TAFA5: variants seen among roughly 807,000 people sequenced by gnomAD.
TAFA5 encodes TAFA chemokine like family member 5, also known as chemokine-like protein TAFA-5.
In TAFA5, 6 loss-of-function variants were observed where a neutral mutation model predicts 15.3. The ratio of observed to expected loss-of-function variants is 0.39; its 90% CI spans 0.21 to 0.77. The LOEUF is 0.77. Among genes scored for constraint, TAFA5 ranks in the 30% least tolerant of loss-of-function variants. TAFA5 has a pLI of 0.41. For missense variants in TAFA5, 161 were observed against 193.1 expected (o/e 0.83, Z 0.98); for synonymous variants, 103 against 80.7 (o/e 1.28, Z -1.48).
At chr22:48,609,718 G>T (rs1391190291) in intron 1 of TAFA5, among the ~76,000 whole-genome samples, 1 of 152,228 alleles carries the variant, frequency 6.6e-6, no homozygotes, top group East Asian at 1.9e-4. Flanking sequence ...CTGGTGTGGA[G>T]CCGCCCGTGC....
chr22:48,602,768 T>C (rs1925022023), intron 1 of TAFA5, among the ~76,000 whole-genome samples: 1 of 152,098 alleles, frequency 6.6e-6, no homozygotes, highest in African/African-American at 2.4e-5. Flanking sequence ...AGTGAACACC[T>C]GGTGAAGGAA....
At chr22:48,593,104 G>T (rs1041086489) in intron 1 of TAFA5, among the ~76,000 whole-genome samples, 3 of 152,240 alleles carry the variant, frequency 2.0e-5, no homozygotes. Flanking sequence ...AGCAGACGCG[G>T]GATGGGAGGT....
At chr22:48,546,799 G>A (rs542948257) in intron 1 of TAFA5, 13 of 345,658 alleles carry the variant, frequency 3.8e-5, no homozygotes, top group South Asian at 1.1e-4. Context: ...GTTGATTCCC[G>A]AAGTCACCGG....
chr22:48,584,333 A>T (rs1454574723), intron 1 of TAFA5, among the ~76,000 whole-genome samples: 1 of 149,472 alleles, frequency 6.7e-6, no homozygotes, highest in Non-Finnish European at 1.5e-5. Context: ...CACCACACAG[A>T]TATCACACAC....
chr22:48,744,191 G>C (rs1387053434), intron 3 of TAFA5, among the ~76,000 whole-genome samples: 4 of 152,116 alleles, frequency 2.6e-5, no homozygotes, highest in Admixed American at 2.6e-4. Flanking sequence ...CTGGCTCCAT[G>C]ATGGCCCTTA....
At chr22:48,694,900 G>A (rs1928662947) in intron 2 of TAFA5, among the ~76,000 whole-genome samples, 2 of 141,668 alleles carry the variant, frequency 1.4e-5, no homozygotes, top group South Asian at 4.8e-4. Context: ...CCCCAGGCTG[G>A]GACCACTGGG....
chr22:48,628,555 G>A lies in TAFA5; in HGVS notation c.113-18042G>A, dbSNP rs182176901. Among the ~76,000 whole-genome samples, 233 of 152,348 alleles carry A rather than the reference G, an allele frequency of 1.5e-3. 4 individuals are homozygous for A. The Middle Eastern group carries it at 0.017, about 11-fold the overall frequency. ...TGCTAAGGAGGGCATAGACGGGTTT[G>A]CTCCCTGTGCAGCCCCAGGGGCCTT... On this transcript the variant is annotated intron_variant, in intron 1 of 3. Coordinates refer to ENST00000402357, the MANE Select transcript of TAFA5 (RefSeq NM_001082967.3).
chr22:48,500,984 C>T (rs1214545277), intron 1 of TAFA5, among the ~76,000 whole-genome samples: 2 of 152,004 alleles, frequency 1.3e-5, no homozygotes, highest in African/African-American at 4.8e-5. Context: ...TGCCCAAGGC[C>T]CCTTCCATGG....
chr22:48,685,926 G>T (rs565315379), intron 2 of TAFA5, among the ~76,000 whole-genome samples: 42 of 149,380 alleles, frequency 2.8e-4, no homozygotes, highest in Non-Finnish European at 5.0e-4. Flanking sequence ...CCCCACGTGC[G>T]CCCCGGGAGT....
intron 1 of TAFA5, among the ~76,000 whole-genome samples, chr22:48,558,402 A>T (rs1158186217): frequency 6.6e-6 from 1 of 152,118 alleles, no homozygotes; most frequent in Admixed American, 6.5e-5. Flanking sequence ...ACGCTCTTTA[A>T]TGTCTGTCGC....
At position 48,530,043 on chromosome 22, in the gene TAFA5, A is replaced by G. The variant is rs1921921316; in HGVS notation, c.112+40339A>G. Reference sequence around the variant, plus strand: ...CCCTGAGGACTGAGCTTGTGGCTGCAGAGGCCGTGGGCCCTCTGCTTTGTG... The same window carrying G: ...CCCTGAGGACTGAGCTTGTGGCTGCGGAGGCCGTGGGCCCTCTGCTTTGTG... On this transcript the variant is annotated intron_variant, in intron 1 of 3. Coordinates refer to ENST00000402357, the MANE Select transcript of TAFA5 (RefSeq NM_001082967.3). The surrounding 1 kb of genome is among the most constrained non-coding windows in gnomAD (Gnocchi z 6.0). Among the ~76,000 whole-genome samples the G allele has an allele frequency of 6.6e-6, 1 of 152,126 alleles. No homozygotes were observed. Among genetic ancestry groups the G allele is most frequent in the Non-Finnish European group, 1.5e-5 (1 of 68,006 alleles).
At chr22:48,605,643 C>G (rs1486526824) in intron 1 of TAFA5, among the ~76,000 whole-genome samples, 3 of 152,162 alleles carry the variant, frequency 2.0e-5, no homozygotes, top group East Asian at 3.8e-4. Context: ...TTTGAGAGGT[C>G]AAGAAACTTG....
chr22:48,512,224 C>T (rs1921240100), intron 1 of TAFA5, among the ~76,000 whole-genome samples: 1 of 152,192 alleles, frequency 6.6e-6, no homozygotes, highest in Admixed American at 6.5e-5. Flanking sequence ...GACAGTGGGG[C>T]TGGCCCCTTC....
In TAFA5 at chr22:48,707,849, G is replaced by A. The variant is rs758617960; in HGVS notation, c.390+5G>A. Reference sequence around the variant, plus strand: ...GGGAGGATAAAGACCACCACGGTATGTGGCCCTCGGCTTTCTCGTGGGTGT... The same window carrying A: ...GGGAGGATAAAGACCACCACGGTATATGGCCCTCGGCTTTCTCGTGGGTGT... On this transcript the variant is annotated splice_donor_5th_base_variant and intron_variant, in intron 3 of 3. Coordinates refer to ENST00000402357, the MANE Select transcript of TAFA5 (RefSeq NM_001082967.3). 1.2e-5 allele frequency: 20 copies of A among 1,611,308 alleles called. No individual in the cohort carries two copies. The highest frequency in any genetic ancestry group is 9.3e-5 in the African/African-American group (7 of 74,898).
At chr22:48,725,241 C>T (rs111936006) in intron 3 of TAFA5, among the ~76,000 whole-genome samples, 10 of 152,336 alleles carry the variant, frequency 6.6e-5, no homozygotes, top group East Asian at 3.9e-4. Flanking sequence ...ACGAGCTCCC[C>T]GCCATGCCCC....
chr22:48,620,589 A>C (rs1291731632), intron 1 of TAFA5, among the ~76,000 whole-genome samples: 5 of 9,646 alleles, frequency 5.2e-4, no homozygotes, highest in Admixed American at 1.2e-3. Context: ...CCATCCGTCC[A>C]CCCACCCCCC....
chr22:48,591,396 G>A (rs1032408210), intron 1 of TAFA5, among the ~76,000 whole-genome samples: 10 of 152,222 alleles, frequency 6.6e-5, no homozygotes, highest in Admixed American at 2.0e-4. Flanking sequence ...TCTGGGTCCT[G>A]CCCGCTCTCC....
At chr22:48,745,577 T>C (rs749487203) in intron 3 of TAFA5, among the ~76,000 whole-genome samples, 1 of 152,172 alleles carries the variant, frequency 6.6e-6, no homozygotes, top group Non-Finnish European at 1.5e-5. Flanking sequence ...ACACATGACA[T>C]AGTGTTCAAT....
intron 1 of TAFA5, among the ~76,000 whole-genome samples, chr22:48,579,288 G>A (rs1347631478): frequency 6.6e-6 from 1 of 152,216 alleles, no homozygotes; most frequent in African/African-American, 2.4e-5. Context: ...GGCAGCCACA[G>A]GCCCAGGAAG....
Sources: allele counts gnomAD v4.1 joint callset (sites outside exome capture counted in the v4.1 genomes callset), GRCh38; gene constraint gnomAD v4.1.1; non-coding constraint Gnocchi (gnomAD v3.1); transcripts MANE v1.5; gene names NCBI Gene and HGNC (gene_info 2026-07-23, HGNC 2026-07-21).